Variants in FBXL7 observed in about 807,000 individuals in gnomAD.
FBXL7 encodes F-box/LRR-repeat protein 7.
A neutral mutation model predicts 38.3 loss-of-function variants in FBXL7; 12 were observed. That is an observed-to-expected ratio of 0.31 (90% CI 0.20 to 0.51). FBXL7 has a LOEUF of 0.51. Ranked by LOEUF, FBXL7 falls within the 20% of genes least tolerant of loss-of-function variation. The pLI is 0.98. For missense variants in FBXL7, 567 were observed against 676.4 expected (o/e 0.84, Z 1.79); for synonymous variants, 297 against 300.9 (o/e 0.99, Z 0.13).
chr5:15,900,855 A>G (rs1458788938), intron 2 of FBXL7, among the ~76,000 whole-genome samples: 1 of 152,238 alleles, frequency 6.6e-6, no homozygotes, highest in East Asian at 1.9e-4. Context: ...TTTTCTTTAG[A>G]ACAAGTTTAC....
intron 2 of FBXL7, among the ~76,000 whole-genome samples, chr5:15,842,175 C>T (rs568840108): frequency 5.3e-4 from 80 of 152,328 alleles, no homozygotes; most frequent in African/African-American, 1.9e-3. Flanking sequence ...TGCAAAACCA[C>T]AGGGACCAAT....
At chr5:15,747,255 G>T (rs544047352) in intron 2 of FBXL7, among the ~76,000 whole-genome samples, 35 of 152,336 alleles carry the variant, frequency 2.3e-4, no homozygotes, top group African/African-American at 7.5e-4. Flanking sequence ...TGAATGGAAA[G>T]ATGTTATTTT....
At chr5:15,587,205 C>A (rs866008322) in intron 1 of FBXL7, among the ~76,000 whole-genome samples, 1 of 152,204 alleles carries the variant, frequency 6.6e-6, no homozygotes, top group Non-Finnish European at 1.5e-5. Flanking sequence ...TTCATCTCTT[C>A]CCAGTATCTC....
chr5:15,722,642 G>C (rs767036570), intron 2 of FBXL7, among the ~76,000 whole-genome samples: 1 of 152,190 alleles, frequency 6.6e-6, no homozygotes, highest in Non-Finnish European at 1.5e-5. Context: ...CAGAAGACAG[G>C]CTGAGTGCCT....
intron 2 of FBXL7, among the ~76,000 whole-genome samples, chr5:15,661,933 T>C (rs542892750): frequency 3.3e-5 from 5 of 152,350 alleles, no homozygotes; most frequent in African/African-American, 1.2e-4. Context: ...CAGTTTGTCA[T>C]TGATGGGCAT....
At chr5:15,656,771 A>C (rs879817281) in intron 2 of FBXL7, among the ~76,000 whole-genome samples, 5 of 152,198 alleles carry the variant, frequency 3.3e-5, no homozygotes, top group African/African-American at 4.8e-5. Context: ...AATTTGAAAA[A>C]AAAAATACAG....
intron 1 of FBXL7, among the ~76,000 whole-genome samples, chr5:15,569,512 G>A (rs1156764381): frequency 4.0e-5 from 6 of 151,278 alleles, no homozygotes; most frequent in Non-Finnish European, 8.8e-5. Context: ...GGGTTTTCTA[G>A]ATATACAATC....
intron 3 of FBXL7, among the ~76,000 whole-genome samples, chr5:15,934,638 G>A (rs1029710976): frequency 4.6e-5 from 7 of 152,064 alleles, no homozygotes; most frequent in South Asian, 2.1e-4. Flanking sequence ...TGTAAACTTC[G>A]TGATTCAACA....
rs73752353 is a variant in FBXL7 at position 15,887,812 on chromosome 5, C to A, written c.128-40078C>A. Reference sequence around the variant, plus strand: ...GCTGTGCATTAGTATATGTGAAACTCTTTTAAATACATATGTGTTGTTTCC... The same window carrying A: ...GCTGTGCATTAGTATATGTGAAACTATTTTAAATACATATGTGTTGTTTCC... On this transcript the variant is annotated intron_variant, in intron 2 of 3. Transcript: ENST00000504595. Among the ~76,000 whole-genome samples the A allele has an allele frequency of 7.1e-3, 1,083 of 152,272 alleles. 23 individuals are homozygous for A. Among genetic ancestry groups the A allele is most frequent in the African/African-American group, 0.025 (1,032 of 41,542 alleles).
intron 1 of FBXL7, among the ~76,000 whole-genome samples, chr5:15,521,096 T>C (rs1438682783): frequency 1.3e-5 from 2 of 152,218 alleles, no homozygotes; most frequent in Non-Finnish European, 2.9e-5. Context: ...GCTGGACTAA[T>C]TGCTAGTTGC....
chr5:15,522,848 C>G (rs1737139009), intron 1 of FBXL7, among the ~76,000 whole-genome samples: 1 of 152,196 alleles, frequency 6.6e-6, no homozygotes, highest in Non-Finnish European at 1.5e-5. Context: ...TTACAACATT[C>G]TAGCAAAAAC....
At chr5:15,789,205 T>C (rs1737210265) in intron 2 of FBXL7, among the ~76,000 whole-genome samples, 1 of 152,028 alleles carries the variant, frequency 6.6e-6, no homozygotes, top group Non-Finnish European at 1.5e-5. Context: ...AGACCTCATA[T>C]CTTTTTTTTT....
rs142604022 is a variant in FBXL7, at chr5:15,703,890, AT to A, written c.127+87822del. Among the ~76,000 whole-genome samples, 957 of 152,274 alleles carry A rather than the reference AT, an allele frequency of 6.3e-3. 11 individuals carry two copies. Among genetic ancestry groups the A allele is most frequent in the African/African-American group, 0.022 (906 of 41,548 alleles). On this transcript the variant is annotated intron_variant, in intron 2 of 3. Transcript: ENST00000504595. The stretch of plus-strand genomic sequence containing the variant: ...GACACAAAATAATAAATACAATTGT[AT>A]TTTCCCAGAATGTAAAGATACTGTC...
chr5:15,743,126 C>T (rs1006004918), intron 2 of FBXL7, among the ~76,000 whole-genome samples: 2 of 152,156 alleles, frequency 1.3e-5, no homozygotes, highest in Non-Finnish European at 2.9e-5. Context: ...CCTCCCAAAA[C>T]TCATGTCATC....
At chr5:15,913,269 A>T (rs1197019761) in intron 2 of FBXL7, among the ~76,000 whole-genome samples, 4 of 136,546 alleles carry the variant, frequency 2.9e-5, no homozygotes, top group East Asian at 2.1e-4. Flanking sequence ...TTTTTTATTA[A>T]TTTTTTTTTT....
intron 2 of FBXL7, among the ~76,000 whole-genome samples, chr5:15,633,092 C>T (rs1355929073): frequency 6.6e-6 from 1 of 152,180 alleles, no homozygotes; most frequent in Non-Finnish European, 1.5e-5. Context: ...AGCGGTATTT[C>T]TTACGTGATC....
chr5:15,688,134 A>G (rs1234179544), intron 2 of FBXL7, among the ~76,000 whole-genome samples: 2 of 152,156 alleles, frequency 1.3e-5, no homozygotes, highest in African/African-American at 4.8e-5. Flanking sequence ...CTCTTTTTTT[A>G]CACAAGGCAT....
chr5:15,748,649 C>T (rs962350468), intron 2 of FBXL7, among the ~76,000 whole-genome samples: 3 of 152,100 alleles, frequency 2.0e-5, no homozygotes, highest in African/African-American at 4.8e-5. Flanking sequence ...TACCCAGTCT[C>T]GAATATGTCT....
At chr5:15,737,216 C>A (rs915994508) in intron 2 of FBXL7, among the ~76,000 whole-genome samples, 5 of 152,162 alleles carry the variant, frequency 3.3e-5, no homozygotes, top group African/African-American at 1.2e-4. Flanking sequence ...ATCTATTCTG[C>A]ACTGTTTATG....
Sources: gnomAD v4.1 joint callset for allele counts (sites outside exome capture counted in the v4.1 genomes callset) on GRCh38, gnomAD v4.1.1 for gene constraint, MANE v1.5 for transcripts, NCBI Gene and HGNC (gene_info 2026-07-23, HGNC 2026-07-21) for gene names.